LHX6: variants seen among roughly 807,000 people sequenced by gnomAD.
The protein encoded by LHX6 is LIM homeobox 6.
LHX6 carries 15 observed loss-of-function variants against 47.1 expected under a neutral mutation model. That is an observed-to-expected ratio of 0.32 (90% CI 0.21 to 0.49). The LOEUF (loss-of-function observed/expected upper bound fraction) is 0.49, where lower values mean the gene tolerates loss of function less well. Among genes scored for constraint, LHX6 ranks in the 20% least tolerant of loss-of-function variants. The pLI, the probability that LHX6 is intolerant of heterozygous loss-of-function variation, is 0.99. For synonymous variants in LHX6, 242 were observed against 233.5 expected (o/e 1.04, Z -0.33); for missense variants, 404 against 539.6 (o/e 0.75, Z 2.49).
At chr9:122,207,453 T>C (rs1474686440) in intron 9 of LHX6, among the ~76,000 whole-genome samples, 1 of 152,130 alleles carries the variant, frequency 6.6e-6, no homozygotes, top group Non-Finnish European at 1.5e-5. Context: ...GAGAAGGCCA[T>C]CTCTATGTCC....
chr9:122,209,612 A>G lies in LHX6; in HGVS notation c.1158+2T>C, dbSNP rs1485869697. On this transcript the variant is annotated splice_donor_variant, in intron 9 of 9. Transcript: ENST00000394319. LOFTEE classifies it high-confidence loss of function. The stretch of plus-strand genomic sequence containing the variant: ...CACCAGACCCAACCTGGCTCCATTT[A>G]CCTTCTCACCCCGGTTGGAGAGCGG... 1.2e-6 allele frequency: 2 copies of G among 1,612,626 alleles called. No individual in the cohort carries two copies. The highest frequency in any genetic ancestry group is 3.3e-5 in the Admixed American group (2 of 60,022).
At position 122,204,664 on chromosome 9, in the gene LHX6, G is replaced by T; in HGVS notation, c.*96C>A. The T allele has an allele frequency of 6.8e-7, 1 of 1,466,642 alleles. No homozygotes were observed. The highest frequency in any genetic ancestry group is 9.3e-7 in the Non-Finnish European group (1 of 1,072,372). 90.9% of individuals were successfully genotyped at this position (1,466,642 alleles called of 1,614,324 possible). On this transcript the variant is annotated 3_prime_UTR_variant, in exon 10 of 10. Transcript: ENST00000394319. The stretch of plus-strand genomic sequence containing the variant: ...ATGGCGGACGGGGGTGGATGCGGAG[G>T]TGGGTGGACTCCTGGCCGCAGCTTG...
rs1279733326 is a variant in LHX6 at position 122,213,762 on chromosome 9, G to T, written c.898C>A (p.Arg300=). The change falls in exon 8 of 10, where the codon CGG becomes AGG. Residue 300 remains arginine, a synonymous_variant. Coordinates refer to ENST00000394319, the MANE Select transcript of LHX6 (RefSeq NM_014368.5). The surrounding 1 kb of genome is among the most constrained non-coding windows in gnomAD (Gnocchi z 5.5). ...GGCGTGTGCTTTTTATGACGCGCCC[G>T]GCAGTTTTGAAACCACACCTGGAAC... ...RVIQVWFQNC[R]ARHKKHTPQH... 2 of 1,595,906 alleles carry T rather than the reference G, an allele frequency of 1.3e-6. No homozygotes were observed. The highest frequency in any genetic ancestry group is 1.8e-5 in the Admixed American group (1 of 55,706).
chr9:122,205,226 C>G (rs1025496864), intron 9 of LHX6, among the ~76,000 whole-genome samples: 1 of 152,218 alleles, frequency 6.6e-6, no homozygotes, highest in Non-Finnish European at 1.5e-5. Flanking sequence ...GGAGGCCAGG[C>G]CTGGCTCACA....
At position 122,228,741 on chromosome 9, in the gene LHX6, G is replaced by C; in HGVS notation, c.-1C>G. ...CGGCGTTCTCATGCTTCCAGTACAT[G>C]GGCCGGGGAACCTCGGGCTCAGCGG... On this transcript the variant is annotated 5_prime_UTR_variant, in exon 1 of 10. Transcript: ENST00000394319. The C allele has an allele frequency of 7.9e-7, 1 of 1,266,342 alleles. No individual in the cohort carries two copies. The highest frequency in any genetic ancestry group is 1.0e-6 in the Non-Finnish European group (1 of 1,003,048). 78.4% of individuals were successfully genotyped at this position (1,266,342 alleles called of 1,614,324 possible).
At chr9:122,227,367 G>T (rs944864847) in intron 2 of LHX6, 42 bp downstream of exon 2, 1 of 1,470,272 alleles carries the variant, frequency 6.8e-7, no homozygotes. Flanking sequence ...GGGCCGGGCC[G>T]CTGGAGGACT....
In LHX6 at chr9:122,226,631, G is replaced by A. The variant is rs1831113762; in HGVS notation, c.340-134C>T. ...CATGCGATTCCCCTATTTTTCTCCC[G>A]TAATACTGAGACTCAGGGAAATGGA... On this transcript the variant is annotated intron_variant, in intron 3 of 9. Transcript: ENST00000394319. This position sits in a 1 kb window ranked among gnomAD's most constrained non-coding sequence, Gnocchi z 6.5. The A allele has an allele frequency of 5.2e-6, 7 of 1,343,036 alleles. No individual in the cohort carries two copies. The highest frequency in any genetic ancestry group is 7.1e-6 in the Non-Finnish European group (7 of 988,990). The allele number at this position is 1,343,036 out of a possible 1,614,324, so 83.2% of individuals were successfully genotyped here.
In LHX6 at chr9:122,214,730, A is replaced by T. The variant is rs978062478; in HGVS notation, c.683-347T>A. On this transcript the variant is annotated intron_variant, in intron 5 of 9. Coordinates refer to ENST00000394319, the MANE Select transcript of LHX6 (RefSeq NM_014368.5). The surrounding 1 kb of genome is among the most constrained non-coding windows in gnomAD (Gnocchi z 4.6). ...AAAGCTAGCTGACCCTAATGTCCCA[A>T]ACTGGGCTCCCTGCTGGCGAAACTG... Among the ~76,000 whole-genome samples the T allele has an allele frequency of 6.6e-6, 1 of 152,128 alleles. No homozygotes were observed. Among genetic ancestry groups the T allele is most frequent in the African/African-American group, 2.4e-5 (1 of 41,424 alleles).
Position 122,204,781 on chromosome 9 carries a change from C to T in LHX6, c.1159-1G>A. 1 of 1,587,450 alleles carries T rather than the reference C, an allele frequency of 6.3e-7. No individual in the cohort carries two copies. The highest frequency in any genetic ancestry group is 8.6e-7 in the Non-Finnish European group (1 of 1,166,788). ...AGCGTTAGTACTGAAAAAGGATGAC[C>T]TGCAAGAGGAGGGCATGGGAGGTGG... On this transcript the variant is annotated splice_acceptor_variant, in intron 9 of 9. Transcript: ENST00000394319. LOFTEE classifies it high-confidence loss of function.
Position 122,226,792 on chromosome 9 carries a change from C to G in LHX6, c.339+56G>C. On this transcript the variant is annotated intron_variant, in intron 3 of 9. Coordinates refer to ENST00000394319, the MANE Select transcript of LHX6 (RefSeq NM_014368.5). The surrounding 1 kb of genome is among the most constrained non-coding windows in gnomAD (Gnocchi z 6.5). ...GACCTGCGGTGCTTCCCTGCAGTCT[C>G]CTGCGCTGCGTCCCACGCCCCGACA... The G allele has an allele frequency of 1.3e-6, 2 of 1,523,720 alleles. No homozygotes were observed. The highest frequency in any genetic ancestry group is 1.8e-6 in the Non-Finnish European group (2 of 1,130,158). 94.4% of individuals were successfully genotyped at this position (1,523,720 alleles called of 1,614,324 possible).
chr9:122,226,970 G>C lies in LHX6; in HGVS notation c.217C>G (p.Pro73Ala). 1 of 1,551,092 alleles carries C rather than the reference G, an allele frequency of 6.4e-7. No individual in the cohort carries two copies. ...ALDKDEGQAS[P>A]CTPSTPSVCS... ...ACAGATGGCGTGCTGGGCGTACATG[G>C]GGAGGCCTGACCCTCGTCCTTGTCC... Residue 73 changes from proline to alanine, a missense_variant, in exon 3 of 10, where the codon CCA becomes GCA. Coordinates refer to ENST00000394319, the MANE Select transcript of LHX6 (RefSeq NM_014368.5). This position sits in a 1 kb window ranked among gnomAD's most constrained non-coding sequence, Gnocchi z 6.5.
intron 4 of LHX6, among the ~76,000 whole-genome samples, chr9:122,223,436 T>C (rs1216138665): frequency 2.0e-5 from 3 of 152,210 alleles, no homozygotes; most frequent in African/African-American, 7.2e-5. Context: ...CATGGGCTTG[T>C]GCCCAGCATC....
Position 122,213,958 on chromosome 9 carries a change from C to T in LHX6, c.879+16G>A, listed in dbSNP as rs1181042104. The T allele has an allele frequency of 1.3e-6, 2 of 1,512,304 alleles. No homozygotes were observed. Among genetic ancestry groups the T allele is most frequent in the Middle Eastern group, 1.8e-4 (1 of 5,498 alleles). The allele number at this position is 1,512,304 out of a possible 1,614,324, so 93.7% of individuals were successfully genotyped here. A position where few individuals can be genotyped will look rare whatever the true frequency, so the allele number is the denominator to read the frequency against. On this transcript the variant is annotated intron_variant, in intron 7 of 9. Transcript: ENST00000394319. The surrounding 1 kb of genome is among the most constrained non-coding windows in gnomAD (Gnocchi z 5.5). Reference sequence around the variant, plus strand: ...GCGTGCCCGCGGTCCCCAGGCCCCGCCCACCCCCGTCCCACCTGGATGACT... The same window carrying T: ...GCGTGCCCGCGGTCCCCAGGCCCCGTCCACCCCCGTCCCACCTGGATGACT...
chr9:122,208,910 C>T (rs1463060477), intron 9 of LHX6, among the ~76,000 whole-genome samples: 2 of 151,600 alleles, frequency 1.3e-5, no homozygotes, highest in African/African-American at 2.4e-5. Context: ...TCAACGTTCC[C>T]ATTTCTAAAA....
chr9:122,204,641 G>A lies in LHX6; in HGVS notation c.*119C>T. On this transcript the variant is annotated 3_prime_UTR_variant, in exon 10 of 10. Transcript: ENST00000394319. The stretch of plus-strand genomic sequence containing the variant: ...GAACCGACCTGGTGGTGGGCAGGAT[G>A]GCGGACGGGGGTGGATGCGGAGGTG... The A allele has an allele frequency of 8.0e-7, 1 of 1,255,110 alleles. No individual in the cohort carries two copies. Among genetic ancestry groups the A allele is most frequent in the Non-Finnish European group, 1.1e-6 (1 of 901,714 alleles). The allele number at this position is 1,255,110 out of a possible 1,614,324, so 77.7% of individuals were successfully genotyped here.
At chr9:122,223,473 T>C (rs978631824) in intron 4 of LHX6, among the ~76,000 whole-genome samples, 2 of 152,178 alleles carry the variant, frequency 1.3e-5, no homozygotes, top group African/African-American at 2.4e-5. Context: ...ACAACAGTGA[T>C]AATCGAGGCA....
At position 122,214,252 on chromosome 9, in the gene LHX6, C is replaced by G. The variant is rs1488901700; in HGVS notation, c.783+31G>C. 1.3e-6 allele frequency: 2 copies of G among 1,542,468 alleles called. No homozygotes were observed. The highest frequency in any genetic ancestry group is 2.8e-5 in the African/African-American group (2 of 71,186). ...CCCCGCCCACTTTCGGCCCGGCCCCCGCCCCCGCCGCCCACTGCTTGCAGC... is the reference window on the plus strand; with the variant it reads ...CCCCGCCCACTTTCGGCCCGGCCCCGGCCCCCGCCGCCCACTGCTTGCAGC... On this transcript the variant is annotated intron_variant, in intron 6 of 9. Coordinates refer to ENST00000394319, the MANE Select transcript of LHX6 (RefSeq NM_014368.5). The surrounding 1 kb of genome is among the most constrained non-coding windows in gnomAD (Gnocchi z 4.6).
At chr9:122,225,335 G>C (rs1831049876) in intron 4 of LHX6, among the ~76,000 whole-genome samples, 1 of 152,234 alleles carries the variant, frequency 6.6e-6, no homozygotes, top group Non-Finnish European at 1.5e-5. Flanking sequence ...ATTCTCCTCT[G>C]ATCCTATAGG....
At chr9:122,221,532 G>A (rs1830861623) in intron 4 of LHX6, 7 of 985,622 alleles carry the variant, frequency 7.1e-6, no homozygotes, top group Admixed American at 6.1e-5. Context: ...TAGCTGGGAA[G>A]AGGAACTTTA....
Sources: gnomAD v4.1 joint callset for allele counts (sites outside exome capture counted in the v4.1 genomes callset) on GRCh38, gnomAD v4.1.1 for gene constraint, Gnocchi (gnomAD v3.1) non-coding constraint, MANE v1.5 for transcripts, NCBI Gene and HGNC (gene_info 2026-07-23, HGNC 2026-07-21) for gene names.